Variants in CADPS2 observed in about 807,000 individuals in gnomAD.
CADPS2 encodes the protein calcium dependent secretion activator 2.
CADPS2 carries 93 observed loss-of-function variants against 172.5 expected under a neutral mutation model. The ratio of observed to expected loss-of-function variants is 0.54; its 90% CI spans 0.46 to 0.64. CADPS2 has a LOEUF of 0.64. Among genes scored for constraint, CADPS2 ranks in the 30% least tolerant of loss-of-function variants. The pLI is 0.00. For synonymous variants in CADPS2, 546 were observed against 555.2 expected, an observed-to-expected ratio of 0.98 and a Z score of 0.23; for missense variants, 1,420 against 1,565.9, an observed-to-expected ratio of 0.91 and a Z score of 1.57.
At chr7:122,880,958 C>G (rs1822781286) in intron 1 of CADPS2, among the ~76,000 whole-genome samples, 1 of 152,164 alleles carries the variant, frequency 6.6e-6, no homozygotes, top group Admixed American at 6.5e-5. Flanking sequence ...TGTCACATAA[C>G]TATGCAATCC....
chr7:122,628,847 C>A (rs151192524), intron 4 of CADPS2, among the ~76,000 whole-genome samples: 1 of 149,988 alleles, frequency 6.7e-6, no homozygotes, highest in African/African-American at 2.5e-5. Context: ...TAGTCAGAAC[C>A]ACTATGTGCC....
intron 2 of CADPS2, among the ~76,000 whole-genome samples, chr7:122,696,788 T>C (rs1456182584): frequency 1.3e-5 from 2 of 152,174 alleles, no homozygotes; most frequent in South Asian, 2.1e-4. Context: ...TTTGTATAAT[T>C]GGGAAAAACA....
intron 27 of CADPS2, among the ~76,000 whole-genome samples, chr7:122,350,869 C>T (rs2038450766): frequency 6.6e-6 from 1 of 151,712 alleles, no homozygotes; most frequent in South Asian, 2.1e-4. Flanking sequence ...CCCTGTAGTC[C>T]CAGCTGCTTA....
At chr7:122,547,527 C>T (rs1435862237) in intron 8 of CADPS2, among the ~76,000 whole-genome samples, 1 of 152,068 alleles carries the variant, frequency 6.6e-6, no homozygotes, top group African/African-American at 2.4e-5. Flanking sequence ...TTCATCAATT[C>T]AACAAATATT....
chr7:122,476,193 A>C (rs949377693), intron 12 of CADPS2, among the ~76,000 whole-genome samples: 2 of 152,068 alleles, frequency 1.3e-5, no homozygotes, highest in Non-Finnish European at 2.9e-5. Context: ...TATCATTTTT[A>C]TGAAACTAAA....
intron 25 of CADPS2, among the ~76,000 whole-genome samples, chr7:122,373,642 A>G (rs914232359): frequency 1.3e-5 from 2 of 152,162 alleles, no homozygotes; most frequent in South Asian, 2.1e-4. Flanking sequence ...GCAGATACCA[A>G]TGTAAGGCTA....
At chr7:122,479,480 T>G (rs1416320479) in intron 12 of CADPS2, among the ~76,000 whole-genome samples, 1 of 152,232 alleles carries the variant, frequency 6.6e-6, no homozygotes, top group Non-Finnish European at 1.5e-5. Context: ...CTGAATAGTA[T>G]GTCCATGTTT....
At chr7:122,734,386 A>AAAAAAAAAAAAAAAAAAAAAT (rs2091971464) in intron 2 of CADPS2, among the ~76,000 whole-genome samples, 1 of 86,772 alleles carries the variant, frequency 1.2e-5, no homozygotes, top group Non-Finnish European at 2.6e-5. Flanking sequence ...AAAAAAAAAA[A>AAAAAAAAAAAAAAAAAAAAAT]GAAAAAAAAA....
chr7:122,820,036 A>G (rs955086984), intron 1 of CADPS2, among the ~76,000 whole-genome samples: 4 of 152,282 alleles, frequency 2.6e-5, no homozygotes, highest in African/African-American at 9.6e-5. Flanking sequence ...AAAACCAGAC[A>G]AGCCTTACAA....
chr7:122,512,084 T>C (rs548073584), intron 9 of CADPS2, among the ~76,000 whole-genome samples: 1 of 152,212 alleles, frequency 6.6e-6, no homozygotes, highest in African/African-American at 2.4e-5. Flanking sequence ...AAGAGGTTAC[T>C]TTTTAGCCAG....
intron 17 of CADPS2, among the ~76,000 whole-genome samples, chr7:122,427,833 C>G (rs933439454): frequency 2.6e-5 from 4 of 152,004 alleles, no homozygotes; most frequent in African/African-American, 9.7e-5. Flanking sequence ...ATGGATACTG[C>G]AATGAATTTA....
intron 12 of CADPS2, 134 bp downstream of exon 12, chr7:122,480,718 G>A (rs1015825270): frequency 1.8e-5 from 10 of 570,392 alleles, no homozygotes; most frequent in Admixed American, 3.6e-5. Flanking sequence ...AATCAATAAA[G>A]CTAACTTAAA....
chr7:122,436,594 G>T (rs1586020627), intron 17 of CADPS2, among the ~76,000 whole-genome samples: 1 of 152,016 alleles, frequency 6.6e-6, no homozygotes, highest in Non-Finnish European at 1.5e-5. Flanking sequence ...TAATGAGCAA[G>T]CATTTTGTTG....
intron 27 of CADPS2, among the ~76,000 whole-genome samples, chr7:122,354,874 T>C (rs538603593): frequency 1.3e-3 from 204 of 152,150 alleles, no homozygotes; most frequent in African/African-American, 4.6e-3. Flanking sequence ...CAAGATAGGG[T>C]TGTCTAGCCA....
At chr7:122,628,666 A>G (rs2076300222) in intron 4 of CADPS2, among the ~76,000 whole-genome samples, 1 of 150,376 alleles carries the variant, frequency 6.6e-6, no homozygotes. Flanking sequence ...ACTAGAAAAA[A>G]CTCATGCCTT....
intron 29 of CADPS2, among the ~76,000 whole-genome samples, chr7:122,323,132 A>G (rs998176345): frequency 2.0e-5 from 3 of 152,208 alleles, no homozygotes; most frequent in African/African-American, 7.2e-5. Flanking sequence ...TTTATATTCA[A>G]AGTAGAAAAA....
At chr7:122,566,798 T>C (rs1013115787) in intron 7 of CADPS2, among the ~76,000 whole-genome samples, 1 of 152,198 alleles carries the variant, frequency 6.6e-6, no homozygotes, top group African/African-American at 2.4e-5. Context: ...TTCTGCTTTC[T>C]AGCATAACTT....
At chr7:122,502,701 A>G (rs1457941946) in intron 9 of CADPS2, among the ~76,000 whole-genome samples, 1 of 152,108 alleles carries the variant, frequency 6.6e-6, no homozygotes, top group Non-Finnish European at 1.5e-5. Flanking sequence ...CCGCCAAAAT[A>G]TTTTACAAGA....
intron 20 of CADPS2, among the ~76,000 whole-genome samples, chr7:122,401,030 G>C (rs556147196): frequency 6.6e-5 from 10 of 152,086 alleles, no homozygotes; most frequent in Admixed American, 1.3e-4. Flanking sequence ...AGGTGACTTT[G>C]CCAGTCACTC....
Sources: allele counts gnomAD v4.1 joint callset (sites outside exome capture counted in the v4.1 genomes callset), GRCh38; gene constraint gnomAD v4.1.1; transcripts MANE v1.5; gene names NCBI Gene and HGNC (gene_info 2026-07-23, HGNC 2026-07-21).